The following SYNE2 variants were observed in gnomAD, a reference collection of about 807,000 sequenced individuals.
SYNE2 encodes the protein spectrin repeat containing nuclear envelope protein 2.
Under a neutral mutation model 856.3 loss-of-function variants are expected in SYNE2, and 431 were observed. The ratio of observed to expected loss-of-function variants is 0.50; its 90% confidence interval spans 0.47 to 0.55. The LOEUF is 0.55. Ranked by LOEUF, SYNE2 falls within the 20% of genes least tolerant of loss-of-function variation. The pLI is 0.00. For synonymous variants in SYNE2, 2,923 were observed against 2,872.3 expected, an observed-to-expected ratio of 1.02 and a Z score of -0.56; for missense variants, 8,129 against 8,023.2, an observed-to-expected ratio of 1.01 and a Z score of -0.50.
chr14:63,957,264 A>ATTTTTTT (rs4027476), intron 8 of SYNE2, among the ~76,000 whole-genome samples: 22 of 110,814 alleles, frequency 2.0e-4, no homozygotes, highest in Admixed American at 4.2e-4. Flanking sequence ...TGCCCAGCTA[A>ATTTTTTT]TTTTTTTTTT....
rs148085325 is a variant in SYNE2, at chr14:63,820,159, C to T, written c.-304-32342C>T. On this transcript the variant is annotated intron_variant, in intron 1 of 23. Coordinates refer to the SYNE2 transcript ENST00000674003. ...TCTGAAAAAGGGCAAAGTTGGAGAA[C>T]TGATACTATCTGACTTAAGATTCAT... Among the ~76,000 whole-genome samples the T allele has an allele frequency of 6.9e-3, 1,043 of 152,096 alleles. 9 individuals carry two copies. The highest frequency in any genetic ancestry group is 0.041 in the Middle Eastern group (12 of 294).
chr14:63,808,372 C>T (rs1432259251), intron 1 of SYNE2, among the ~76,000 whole-genome samples: 3 of 152,004 alleles, frequency 2.0e-5, no homozygotes, highest in East Asian at 3.9e-4. Context: ...ACTTGTAGTC[C>T]CAGCTACTCC....
At chr14:64,103,204 T>C (rs1410137757) in intron 64 of SYNE2, among the ~76,000 whole-genome samples, 1 of 152,168 alleles carries the variant, frequency 6.6e-6, no homozygotes, top group East Asian at 1.9e-4. Flanking sequence ...GTACTTTTTT[T>C]GAGGAAAACT....
intron 95 of SYNE2, among the ~76,000 whole-genome samples, chr14:64,176,136 A>G (rs1038709568): frequency 3.3e-5 from 5 of 152,226 alleles, no homozygotes; most frequent in Non-Finnish European, 4.4e-5. Flanking sequence ...TGTACTGAAT[A>G]ATAGTGTTTC....
rs138861068 is a variant in SYNE2, at chr14:63,989,676, G to A, written c.2314-735G>A. Among the ~76,000 whole-genome samples the A allele has an allele frequency of 5.1e-3, 772 of 151,488 alleles. 2 individuals are homozygous for A. Among genetic ancestry groups the A allele is most frequent in the African/African-American group, 0.018 (727 of 41,284 alleles). ...ATTTTATTGTATTTTTTGAGATGGA[G>A]TTTCACTCTTGTCACCCAGGCTGGA... On this transcript the variant is annotated intron_variant, in intron 19 of 115. Coordinates refer to ENST00000555002, the MANE Select transcript of SYNE2 (RefSeq NM_182914.3).
At chr14:64,047,603 G>C (rs1243351961) in intron 45 of SYNE2, among the ~76,000 whole-genome samples, 1 of 152,126 alleles carries the variant, frequency 6.6e-6, no homozygotes, top group Non-Finnish European at 1.5e-5. Context: ...CAAATCCTTG[G>C]TGTTACCTCC....
At position 64,053,671 on chromosome 14, in the gene SYNE2, A is replaced by C. The variant is rs1567167481; in HGVS notation, c.9744+14A>C. On this transcript the variant is annotated intron_variant, in intron 48 of 115. Coordinates refer to ENST00000555002, the MANE Select transcript of SYNE2 (RefSeq NM_182914.3). ...GATTTGCGCACAGTAAGTTTTAAAA[A>C]TTATGCAGTTAGTGGCTGGGTGCGG... 1 of 1,611,568 alleles carries C rather than the reference A, an allele frequency of 6.2e-7. No individual in the cohort carries two copies.
chr14:63,785,020 G>A (rs182790070), intron 1 of SYNE2, among the ~76,000 whole-genome samples: 11 of 152,186 alleles, frequency 7.2e-5, no homozygotes, highest in Non-Finnish European at 1.5e-4. Flanking sequence ...TAAGTTTGAA[G>A]TGGTGATCCT....
At chr14:64,038,678 C>CA (rs2097123524) in intron 45 of SYNE2, among the ~76,000 whole-genome samples, 2 of 152,284 alleles carry the variant, frequency 1.3e-5, no homozygotes, top group South Asian at 2.1e-4. Flanking sequence ...CGGTCTCCAT[C>CA]AAAAAAATAC....
At chr14:64,103,612 T>G (rs559772260) in intron 64 of SYNE2, among the ~76,000 whole-genome samples, 57 of 152,266 alleles carry the variant, frequency 3.7e-4, no homozygotes, top group African/African-American at 1.3e-3. Flanking sequence ...AACTCTTTCC[T>G]TAATCATTGG....
At chr14:63,794,580 A>G (rs1223305822) in intron 1 of SYNE2, among the ~76,000 whole-genome samples, 5 of 152,350 alleles carry the variant, frequency 3.3e-5, no homozygotes, top group African/African-American at 9.6e-5. Context: ...AATATAAACA[A>G]TCAACTATAA....
At position 63,846,043 on chromosome 14, in the gene SYNE2, C is replaced by CG. The variant is rs1389219578; in HGVS notation, c.-304-6458_-304-6457insG. Among the ~76,000 whole-genome samples the CG allele has an allele frequency of 6.6e-3, 876 of 132,498 alleles. 11 individuals are homozygous for CG. Among genetic ancestry groups the CG allele is most frequent in the African/African-American group, 0.016 (583 of 35,720 alleles). 86.9% of individuals were successfully genotyped at this position (132,498 alleles called of 152,430 possible). A position where few individuals can be genotyped will look rare whatever the true frequency, so the allele number is the denominator to read the frequency against. ...ACAGGCGTGAGCCACCGTACCTGCC[C>CG]TTTTTTTTTTTTTTTTTCCTCTTGA... is the stretch of plus-strand genomic sequence containing the variant. On this transcript the variant is annotated intron_variant, in intron 1 of 23. Transcript: ENST00000674003.
chr14:64,210,463 C>T (rs1271297076), intron 103 of SYNE2, among the ~76,000 whole-genome samples: 1 of 152,168 alleles, frequency 6.6e-6, no homozygotes, highest in Non-Finnish European at 1.5e-5. Flanking sequence ...CACGTGGGCC[C>T]CTGGAAGGAG....
intron 45 of SYNE2, chr14:64,034,675 G>A (rs1273234943): frequency 2.9e-5 from 13 of 442,636 alleles, no homozygotes; most frequent in Non-Finnish European, 4.4e-5. Context: ...AAAAGAAGTT[G>A]CAAAATTCAG....
At position 64,021,323 on chromosome 14, in the gene SYNE2, G is replaced by A. The variant is rs2096934349; in HGVS notation, c.5160G>A (p.Glu1720=). 1 of 1,613,520 alleles carries A rather than the reference G, an allele frequency of 6.2e-7. No homozygotes were observed. The highest frequency in any genetic ancestry group is 2.2e-5 in the East Asian group (1 of 44,880). Residue 1720 remains glutamate (E), a synonymous_variant, in exon 36 of 116, where the codon GAG becomes GAA. Coordinates refer to ENST00000555002, the MANE Select transcript of SYNE2 (RefSeq NM_182914.3). ...SEIPLELQVM[E]SSILNKMEHV... The stretch of plus-strand genomic sequence containing the variant: ...ATATTTCATGATTTCAGGTCATGGA[G>A]TCCTCTATTTTGAACAAGATGGAAC...
intron 11 of SYNE2, among the ~76,000 whole-genome samples, chr14:63,969,265 G>A (rs1007565024): frequency 3.4e-5 from 5 of 148,980 alleles, no homozygotes; most frequent in African/African-American, 7.4e-5. Context: ...TGACTCCTGA[G>A]TTCAAGAGAT....
intron 8 of SYNE2, among the ~76,000 whole-genome samples, chr14:63,960,381 G>T (rs1008602121): frequency 1.3e-5 from 2 of 152,100 alleles, no homozygotes; most frequent in Non-Finnish European, 2.9e-5. Context: ...TGTTGTATTT[G>T]TTTATTTGTT....
chr14:64,009,387 T>G (rs530091631), intron 31 of SYNE2, among the ~76,000 whole-genome samples: 101 of 151,894 alleles, frequency 6.6e-4, no homozygotes, highest in African/African-American at 2.3e-3. Flanking sequence ...AATACAAAAA[T>G]TAGCCAGGCA....
At position 64,132,296 on chromosome 14, in the gene SYNE2, T is replaced by C. The variant is rs959479925; in HGVS notation, c.14372T>C (p.Leu4791Ser). ...VFFQKLVADM[L>S]LIQAYSAKIL... ...TTCCAGAAGCTTGTTGCTGACATGT[T>C]GTTGATCCAAGCATACTCTGCCAAA... Residue 4791 changes from leucine (L) to serine (S), a missense_variant, in exon 77 of 116, where the codon TTG becomes TCG. Physicochemically the swap from Leu to Ser is moderately radical, Grantham distance 145 (BLOSUM62 -2). Coordinates refer to ENST00000555002, the MANE Select transcript of SYNE2 (RefSeq NM_182914.3). 1 of 1,613,942 alleles carries C rather than the reference T, an allele frequency of 6.2e-7. No individual in the cohort carries two copies. Among genetic ancestry groups the C allele is most frequent in the Non-Finnish European group, 8.5e-7 (1 of 1,180,034 alleles).
Sources: allele counts gnomAD v4.1 joint callset (sites outside exome capture counted in the v4.1 genomes callset), GRCh38; gene constraint gnomAD v4.1.1; transcripts MANE v1.5; gene names NCBI Gene and HGNC (gene_info 2026-07-23, HGNC 2026-07-21).